Variants in FGF14 observed in about 807,000 individuals in gnomAD.
FGF14 encodes fibroblast growth factor 14, also known as fibroblast growth factor homologous factor 4.
A neutral mutation model predicts 25.5 loss-of-function variants in FGF14; 5 were observed. The ratio of observed to expected loss-of-function variants is 0.20; its 90% CI spans 0.10 to 0.41. The LOEUF (loss-of-function observed/expected upper bound fraction) is 0.41. FGF14 is among the 10% of genes least tolerant of loss of function. FGF14 has a pLI of 1.00. For synonymous variants in FGF14, 138 were observed against 118.3 expected, an observed-to-expected ratio of 1.17 and a Z score of -1.08; for missense variants, 222 against 320.1, an observed-to-expected ratio of 0.69 and a Z score of 2.34.
intron 3 of FGF14, among the ~76,000 whole-genome samples, chr13:101,780,561 G>A (rs1378297981): frequency 2.0e-5 from 3 of 152,140 alleles, no homozygotes; most frequent in Non-Finnish European, 2.9e-5. Context: ...CATGGTCAGT[G>A]TCTTTGTCTA....
At chr13:101,768,314 CAAA>C (rs776973507) in intron 3 of FGF14, among the ~76,000 whole-genome samples, 21 of 152,128 alleles carry the variant, frequency 1.4e-4, no homozygotes, top group African/African-American at 5.1e-4. Context: ...ATGGAAAAAT[CAAA>C]GAAGAACCAA....
intron 1 of FGF14, among the ~76,000 whole-genome samples, chr13:102,199,715 G>A (rs191373016): frequency 7.7e-4 from 117 of 152,170 alleles, no homozygotes; most frequent in Non-Finnish European, 4.0e-4. Flanking sequence ...CTAATCTCAC[G>A]CACTGCAATA....
chr13:101,904,517 C>T (rs2031992644), intron 1 of FGF14, among the ~76,000 whole-genome samples: 1 of 152,090 alleles, frequency 6.6e-6, no homozygotes, highest in East Asian at 1.9e-4. Flanking sequence ...GTGCTGTTTC[C>T]TTTTTTAAAA....
At chr13:101,727,763 C>T (rs2035539102) in intron 3 of FGF14, among the ~76,000 whole-genome samples, 1 of 152,008 alleles carries the variant, frequency 6.6e-6, no homozygotes, top group Non-Finnish European at 1.5e-5. Flanking sequence ...GAAGTTCAAC[C>T]TGTCTGGTTA....
intron 1 of FGF14, among the ~76,000 whole-genome samples, chr13:102,087,373 T>C (rs2043954383): frequency 6.8e-6 from 1 of 147,464 alleles, no homozygotes. Context: ...CATGTGTACC[T>C]TGCCCAGAAA....
intron 2 of FGF14, among the ~76,000 whole-genome samples, chr13:101,873,673 G>A (rs1371549046): frequency 6.6e-6 from 1 of 152,060 alleles, no homozygotes; most frequent in East Asian, 1.9e-4. Flanking sequence ...ACTGAGCAGA[G>A]ATACATGTAT....
chr13:101,920,266 T>C (rs1286004618), upstream of FGF14, among the ~76,000 whole-genome samples: 2 of 152,188 alleles, frequency 1.3e-5, no homozygotes, highest in African/African-American at 2.4e-5. Flanking sequence ...TAATTTTACC[T>C]TTGACGTTAT....
At chr13:101,910,837 CGTGTGTGTGT>C (rs59758881) in intron 1 of FGF14, among the ~76,000 whole-genome samples, 9,098 of 129,208 alleles carry the variant, frequency 0.07, 328 homozygotes, top group African/African-American at 0.087. Context: ...GATTTGGATT[CGTGTGTGTGT>C]GTGTGTGTGT....
chr13:101,852,114 A>C (rs2043880858), intron 3 of FGF14, among the ~76,000 whole-genome samples: 1 of 152,130 alleles, frequency 6.6e-6, no homozygotes, highest in Admixed American at 6.6e-5. Context: ...AATTACACTT[A>C]TGCTACTGAG....
At chr13:101,966,951 G>A (rs996127299) in intron 1 of FGF14, among the ~76,000 whole-genome samples, 5 of 151,996 alleles carry the variant, frequency 3.3e-5, no homozygotes, top group African/African-American at 1.2e-4. Context: ...ATTACTCTAC[G>A]AGTGTAAGAA....
intron 1 of FGF14, among the ~76,000 whole-genome samples, chr13:102,023,215 A>G (rs1425755414): frequency 6.6e-6 from 1 of 152,024 alleles, no homozygotes; most frequent in East Asian, 1.9e-4. Context: ...AGGTAAGTAA[A>G]TGAATTTAGA....
chr13:101,933,801 CTCTT>C (rs1400254919), intron 1 of FGF14, among the ~76,000 whole-genome samples: 9 of 152,114 alleles, frequency 5.9e-5, no homozygotes, highest in Non-Finnish European at 8.8e-5. Flanking sequence ...TTACATATTA[CTCTT>C]TCTTACATTA....
intron 1 of FGF14, among the ~76,000 whole-genome samples, chr13:101,939,229 T>C (rs994907887): frequency 6.6e-6 from 1 of 152,224 alleles, no homozygotes; most frequent in African/African-American, 2.4e-5. Flanking sequence ...AATTGTTCAA[T>C]ACAATCTGTG....
At chr13:101,968,628 G>A (rs934374796) in intron 1 of FGF14, among the ~76,000 whole-genome samples, 4 of 142,948 alleles carry the variant, frequency 2.8e-5, no homozygotes, top group Non-Finnish European at 6.0e-5. Context: ...AGCTGAGATC[G>A]TGCCACTGCA....
chr13:102,390,403 C>T (rs998038596), intron 1 of FGF14, among the ~76,000 whole-genome samples: 3 of 152,186 alleles, frequency 2.0e-5, no homozygotes, highest in African/African-American at 7.2e-5. Context: ...ATATCACAGT[C>T]CCTTTTAGTT....
intron 1 of FGF14, among the ~76,000 whole-genome samples, chr13:102,158,291 C>T (rs548624060): frequency 6.6e-6 from 1 of 152,262 alleles, no homozygotes; most frequent in East Asian, 1.9e-4. Context: ...CAATCATAGA[C>T]TGGATTAAGA....
chr13:102,237,084 C>T (rs1000850109), intron 1 of FGF14, among the ~76,000 whole-genome samples: 3 of 152,332 alleles, frequency 2.0e-5, no homozygotes, highest in African/African-American at 7.2e-5. Flanking sequence ...CTGCCAGGAA[C>T]ACCGCAGGCT....
At chr13:102,107,381 G>C (rs918686216) in intron 1 of FGF14, among the ~76,000 whole-genome samples, 1 of 152,074 alleles carries the variant, frequency 6.6e-6, no homozygotes, top group African/African-American at 2.4e-5. Flanking sequence ...CTGGAAATCT[G>C]GCAAGTCTCT....
intron 1 of FGF14, among the ~76,000 whole-genome samples, chr13:101,932,532 TCA>T (rs2034824574): frequency 1.9e-5 from 1 of 51,988 alleles, no homozygotes; most frequent in Non-Finnish European, 2.8e-5. Context: ...AGACTCCATG[TCA>T]AAAAAAAAAA....
Sources: gnomAD v4.1 joint callset for allele counts (sites outside exome capture counted in the v4.1 genomes callset) on GRCh38, gnomAD v4.1.1 for gene constraint, MANE v1.5 for transcripts, NCBI Gene and HGNC (gene_info 2026-07-23, HGNC 2026-07-21) for gene names.